RGS5: variants seen among roughly 807,000 people sequenced by gnomAD.
RGS5 encodes the protein regulator of G-protein signalling 5.
A neutral mutation model predicts 18.9 loss-of-function variants in RGS5; 20 were observed. That is an observed-to-expected ratio of 1.06 (90% CI 0.74 to 1.54). The LOEUF (loss-of-function observed/expected upper bound fraction) is 1.54. Among genes scored for constraint, RGS5 ranks in the 40% most tolerant of loss-of-function variants. RGS5 has a pLI of 0.00. For missense variants in RGS5, 201 were observed against 211.8 expected, an observed-to-expected ratio of 0.95 and a Z score of 0.32; for synonymous variants, 57 against 76.2, an observed-to-expected ratio of 0.75 and a Z score of 1.31.
chr1:163,153,036 A>G (rs1377189355), intron 3 of RGS5, among the ~76,000 whole-genome samples: 6 of 152,212 alleles, frequency 3.9e-5, no homozygotes, highest in African/African-American at 1.2e-4. Context: ...ACGTTTACCT[A>G]TTTACGTATC....
chr1:163,159,744 G>A (rs1657726037), intron 3 of RGS5, among the ~76,000 whole-genome samples: 1 of 152,026 alleles, frequency 6.6e-6, no homozygotes. Flanking sequence ...ATAATTATGT[G>A]GAACTTATAT....
At chr1:163,269,486 T>A (rs185143053) in intron 2 of RGS5, among the ~76,000 whole-genome samples, 1 of 152,206 alleles carries the variant, frequency 6.6e-6, no homozygotes, top group East Asian at 1.9e-4. Flanking sequence ...GTTGGGACAA[T>A]CAAAGAAAGT....
chr1:163,171,558 CCT>C (rs1658299607), intron 1 of RGS5, among the ~76,000 whole-genome samples: 1 of 152,120 alleles, frequency 6.6e-6, no homozygotes, highest in East Asian at 1.9e-4. Flanking sequence ...CTTTATCCCC[CCT>C]CTCAAATTTA....
chr1:163,183,930 T>A (rs990946834), intron 1 of RGS5, among the ~76,000 whole-genome samples: 1 of 152,176 alleles, frequency 6.6e-6, no homozygotes, highest in African/African-American at 2.4e-5. Context: ...TTTCTAAAAA[T>A]TTCACATAAG....
intron 3 of RGS5, among the ~76,000 whole-genome samples, chr1:163,155,340 T>C (rs1482098778): frequency 6.6e-6 from 1 of 152,158 alleles, no homozygotes; most frequent in Non-Finnish European, 1.5e-5. Flanking sequence ...GCTTGCAAAA[T>C]AACTTTTCTG....
chr1:163,259,736 T>TA (rs1283482140), intron 2 of RGS5: 5 of 152,320 alleles, frequency 3.3e-5, no homozygotes, highest in Non-Finnish European at 7.4e-5. Flanking sequence ...AAACTTCGAG[T>TA]AGCCTGATTA....
intron 2 of RGS5, among the ~76,000 whole-genome samples, chr1:163,162,565 C>T (rs1657850417): frequency 6.6e-6 from 1 of 151,480 alleles, no homozygotes; most frequent in African/African-American, 2.4e-5. Context: ...ATAACAGGAT[C>T]AGACTTTTTT....
intron 1 of RGS5, chr1:163,211,190 G>A (rs1660093839): frequency 6.6e-6 from 1 of 152,166 alleles, no homozygotes; most frequent in Non-Finnish European, 1.5e-5. Context: ...GGTAGTTAAA[G>A]CAATGAGCAA....
chr1:163,161,841 G>A (rs1657809491), intron 3 of RGS5, 74 bp downstream of exon 3: 2 of 1,118,638 alleles, frequency 1.8e-6, no homozygotes, highest in African/African-American at 1.5e-5. Context: ...GAAGAACACA[G>A]GTAATACAAA....
At chr1:163,284,171 A>G (rs935065092) in intron 2 of RGS5, among the ~76,000 whole-genome samples, 5 of 152,320 alleles carry the variant, frequency 3.3e-5, no homozygotes, top group Admixed American at 1.3e-4. Context: ...AATCTGACCT[A>G]TAACTCTTTT....
chr1:163,147,206 C>T lies in RGS5; in HGVS notation c.*136G>A. On this transcript the variant is annotated 3_prime_UTR_variant, in exon 5 of 5. Coordinates refer to ENST00000313961, the MANE Select transcript of RGS5 (RefSeq NM_003617.4). Reference sequence around the variant, plus strand: ...AAGCAGTGTGGGCAAAAAGAGTAAGCAACATCCCCTGGGATTTTTCCCATG... The same window carrying T: ...AAGCAGTGTGGGCAAAAAGAGTAAGTAACATCCCCTGGGATTTTTCCCATG... 1.1e-6 allele frequency: 1 copy of T among 885,770 alleles called. No individual in the cohort carries two copies. The highest frequency in any genetic ancestry group is 1.6e-6 in the Non-Finnish European group (1 of 618,666). 54.9% of individuals were successfully genotyped at this position (885,770 alleles called of 1,614,324 possible). A position where few individuals can be genotyped will look rare whatever the true frequency, so the allele number is the denominator to read the frequency against.
chr1:163,165,573 G>T lies in RGS5; in HGVS notation c.155+2685C>A, dbSNP rs1243667158. On this transcript the variant is annotated intron_variant, in intron 2 of 4. Transcript: ENST00000313961. Reference sequence around the variant, plus strand: ...ACTTAGAGAAAGAGAAGGCAGGTGGGGAATGCGGGACTAGAAGTTAAGGAA... The same window carrying T: ...ACTTAGAGAAAGAGAAGGCAGGTGGTGAATGCGGGACTAGAAGTTAAGGAA... Among the ~76,000 whole-genome samples the T allele has an allele frequency of 2.0e-5, 3 of 152,144 alleles. 1 individual carries two copies. In the South Asian group the frequency reaches 6.2e-4, roughly 31 times the overall value.
chr1:163,211,268 A>G (rs1660095503), intron 1 of RGS5: 1 of 152,186 alleles, frequency 6.6e-6, no homozygotes, highest in Non-Finnish European at 1.5e-5. Flanking sequence ...TTAAGGAGCC[A>G]TAAGGTTAAT....
chr1:163,243,295 T>C (rs1647838072), intron 2 of RGS5, among the ~76,000 whole-genome samples: 1 of 150,706 alleles, frequency 6.6e-6, no homozygotes, highest in African/African-American at 2.4e-5. Flanking sequence ...CCGTCAGGGG[T>C]TGGGAGTAAA....
intron 2 of RGS5, among the ~76,000 whole-genome samples, chr1:163,255,308 T>A (rs1172924229): frequency 6.6e-6 from 1 of 152,204 alleles, no homozygotes; most frequent in Non-Finnish European, 1.5e-5. Context: ...TTTGTTTGTA[T>A]CCTCTTTTAT....
chr1:163,313,524 A>G (rs1408004712), intron 1 of RGS5, among the ~76,000 whole-genome samples: 1 of 152,206 alleles, frequency 6.6e-6, no homozygotes, highest in Non-Finnish European at 1.5e-5. Context: ...GAGACAATAC[A>G]TATGTAGGGC....
At chr1:163,316,643 A>G (rs759781469) in intron 1 of RGS5, among the ~76,000 whole-genome samples, 1 of 152,092 alleles carries the variant, frequency 6.6e-6, no homozygotes, top group Non-Finnish European at 1.5e-5. Flanking sequence ...TCCACTCTAT[A>G]GTGACTAGAA....
chr1:163,298,289 G>A (rs1649472418), intron 2 of RGS5, among the ~76,000 whole-genome samples: 1 of 152,086 alleles, frequency 6.6e-6, no homozygotes, highest in Non-Finnish European at 1.5e-5. Context: ...AATTACTCTT[G>A]TAATTGTTTA....
chr1:163,192,772 A>C (rs1012204152), intron 1 of RGS5, among the ~76,000 whole-genome samples: 2 of 152,242 alleles, frequency 1.3e-5, no homozygotes, highest in Non-Finnish European at 2.9e-5. Flanking sequence ...AGCAAGCATC[A>C]GACCACCAGA....
Sources: gnomAD v4.1 joint callset for allele counts (sites outside exome capture counted in the v4.1 genomes callset) on GRCh38, gnomAD v4.1.1 for gene constraint, MANE v1.5 for transcripts, NCBI Gene and HGNC (gene_info 2026-07-23, HGNC 2026-07-21) for gene names.